Variants in ADA2 observed in about 807,000 individuals in gnomAD.
ADA2 encodes adenosine deaminase CECR1.
In ADA2, 29 loss-of-function variants were observed where a neutral mutation model predicts 44.2. That is an observed-to-expected ratio of 0.66 (90% CI 0.49 to 0.89). The LOEUF (loss-of-function observed/expected upper bound fraction) is 0.89. Ranked by LOEUF, ADA2 falls within the 40% of genes least tolerant of loss-of-function variation. The probability of loss-of-function intolerance (pLI) is 0.00; values close to 1 mark genes in which losing one functional copy is unlikely to be tolerated. For missense variants in ADA2, 637 were observed against 644.8 expected, an observed-to-expected ratio of 0.99 and a Z score of 0.13; for synonymous variants, 215 against 234.9, an observed-to-expected ratio of 0.92 and a Z score of 0.77.
At chr22:17,218,179 T>C (rs528769070) in intron 1 of ADA2, among the ~76,000 whole-genome samples, 34 of 152,306 alleles carry the variant, frequency 2.2e-4, no homozygotes, top group African/African-American at 8.2e-4. Flanking sequence ...ACTATTATTG[T>C]TTTTGTTGAA....
At chr22:17,188,706 CA>C (rs1368275940) in intron 6 of ADA2, 2 of 243,440 alleles carry the variant, frequency 8.2e-6, no homozygotes, top group African/African-American at 4.6e-5. Context: ...AGTGAAACCC[CA>C]TCTCTACTAA....
chr22:17,201,759 C>G (rs973654243), intron 4 of ADA2, among the ~76,000 whole-genome samples: 4 of 152,138 alleles, frequency 2.6e-5, no homozygotes, highest in Admixed American at 2.6e-4. Context: ...CTGCTCTCCT[C>G]GAAAGATCCC....
At chr22:17,204,714 G>A (rs1010722612) in intron 3 of ADA2, among the ~76,000 whole-genome samples, 2 of 151,856 alleles carry the variant, frequency 1.3e-5, no homozygotes, top group African/African-American at 4.8e-5. Context: ...AAGGACAGAG[G>A]TCTCAGGAGG....
chr22:17,207,159 T>G lies in ADA2; in HGVS notation c.454A>C (p.Thr152Pro). The change falls in exon 3 of 10, where the codon ACT becomes CCT. Residue 152 changes from threonine (T) to proline (P), a missense_variant. By Grantham distance (38) the Thr-to-Pro change is conservative. Coordinates refer to ENST00000399837, the MANE Select transcript of ADA2 (RefSeq NM_001282225.2). Reference protein sequence around the residue: ...GIMQFRFAHPTPRPSEKCSKW... With the variant: ...GIMQFRFAHPPPRPSEKCSKW... ...GAACATTTTTCTGATGGACGGGGAGTTGGGTGAGCAAATCTGAACTGCATG... is the reference window on the plus strand; with the variant it reads ...GAACATTTTTCTGATGGACGGGGAGGTGGGTGAGCAAATCTGAACTGCATG... 6.2e-7 allele frequency: 1 copy of G among 1,614,044 alleles called. No homozygotes were observed. Among genetic ancestry groups the G allele is most frequent in the South Asian group, 1.1e-5 (1 of 91,068 alleles).
intron 4 of ADA2, among the ~76,000 whole-genome samples, chr22:17,194,600 T>C (rs2062166756): frequency 1.3e-5 from 2 of 152,066 alleles, no homozygotes; most frequent in African/African-American, 4.8e-5. Flanking sequence ...GCCTGGCACG[T>C]CACACAGCCC....
In ADA2 at chr22:17,214,166, C is replaced by A. The variant is rs1237852447; in HGVS notation, c.-46-4443G>T. On this transcript the variant is annotated intron_variant, in intron 1 of 9. Coordinates refer to ENST00000399837, the MANE Select transcript of ADA2 (RefSeq NM_001282225.2). ...GTCAGCTGGACGAAATAGCCGCCTG[C>A]CCCCAGTAGGGAGCAGCATCGAGGG... 1.3e-5 allele frequency: 9 copies of A among 684,840 alleles called. No individual in the cohort carries two copies. The East Asian group carries it at 2.5e-4, about 19-fold the overall frequency. The allele number at this position is 684,840 out of a possible 1,614,324, so 42.4% of individuals were successfully genotyped here. A position where few individuals can be genotyped will look rare whatever the true frequency, so the allele number is the denominator to read the frequency against.
rs1289977943 is a variant in ADA2, at chr22:17,180,307, T to C, written c.*1176A>G. On this transcript the variant is annotated 3_prime_UTR_variant, in exon 10 of 10. Transcript: ENST00000399837. ...TAGAGCACCACCGCTGGAGTCTGGATGCGGGATGCATTCTGATGTAGGGAG... is the reference window on the plus strand; with the variant it reads ...TAGAGCACCACCGCTGGAGTCTGGACGCGGGATGCATTCTGATGTAGGGAG... 1.3e-5 allele frequency: 2 copies of C among 152,262 alleles called. No homozygotes were observed. The highest frequency in any genetic ancestry group is 2.4e-5 in the African/African-American group (1 of 41,416). The allele number at this position is 152,262 out of a possible 1,614,324, so 9.4% of individuals were successfully genotyped here. A position where few individuals can be genotyped will look rare whatever the true frequency, so the allele number is the denominator to read the frequency against.
At chr22:17,199,924 G>T (rs2062254801) in intron 4 of ADA2, 1 of 356,732 alleles carries the variant, frequency 2.8e-6, no homozygotes, top group African/African-American at 2.1e-5. Flanking sequence ...GCCAGGCGCG[G>T]TGGCTCACGC....
chr22:17,219,048 T>C (rs1328642793), intron 1 of ADA2, among the ~76,000 whole-genome samples: 1 of 151,944 alleles, frequency 6.6e-6, no homozygotes, highest in Non-Finnish European at 1.5e-5. Flanking sequence ...TCACAGCTAT[T>C]AGGGAGGCTG....
At chr22:17,213,170 A>C (rs5994204) in intron 1 of ADA2, among the ~76,000 whole-genome samples, 3,210 of 152,240 alleles carry the variant, frequency 0.021, 107 homozygotes, top group African/African-American at 0.072. Context: ...AATGGCTATT[A>C]CTTAAAAGGC....
chr22:17,197,065 C>T lies in ADA2; in HGVS notation c.754-5255G>A, dbSNP rs556357513. 4.0e-3 allele frequency among the ~76,000 whole-genome samples: 610 copies of T among 152,062 alleles called. 3 individuals carry two copies. Among genetic ancestry groups the T allele is most frequent in the Non-Finnish European group, 6.1e-3 (418 of 67,988 alleles). On this transcript the variant is annotated intron_variant, in intron 4 of 9. Coordinates refer to ENST00000399837, the MANE Select transcript of ADA2 (RefSeq NM_001282225.2). The stretch of plus-strand genomic sequence containing the variant: ...ATGGGCACCTGTAATCCCAACTACT[C>T]GGGAGGCTGAGGCAGGAGAATCACT...
intron 3 of ADA2, among the ~76,000 whole-genome samples, chr22:17,206,412 AGGCTGCTGTGAGCCAAGAT>A (rs2062354318): frequency 3.8e-5 from 1 of 25,992 alleles, no homozygotes; most frequent in African/African-American, 1.3e-4. Context: ...AGCCAAGATC[AGGCTGCTGTGAGCCAAGAT>A]CACGCCACTA....
chr22:17,202,778 T>TTTC (rs1211368359), intron 4 of ADA2, among the ~76,000 whole-genome samples: 1 of 151,624 alleles, frequency 6.6e-6, no homozygotes, highest in African/African-American at 2.4e-5. Context: ...TCTTTCTTTT[T>TTTC]TTTTTTGTGT....
chr22:17,213,778 C>T (rs995442331), intron 1 of ADA2: 6 of 251,850 alleles, frequency 2.4e-5, no homozygotes, highest in African/African-American at 1.2e-4. Context: ...TGACTCACGC[C>T]TGTAATCCCA....
intron 1 of ADA2, among the ~76,000 whole-genome samples, chr22:17,210,481 C>T (rs1459872240): frequency 2.0e-5 from 3 of 151,502 alleles, no homozygotes; most frequent in African/African-American, 7.3e-5. Flanking sequence ...TGAGTCACCG[C>T]GCCCGGCAGG....
rs571224124 is a variant in ADA2, at chr22:17,205,758, G to A, written c.542+1313C>T. On this transcript the variant is annotated intron_variant, in intron 3 of 9. Coordinates refer to ENST00000399837, the MANE Select transcript of ADA2 (RefSeq NM_001282225.2). ...CTTTGGGAGGCCAAGGTGAGAGGAC[G>A]GCTTGAGCCGCAGAGTTCAAGACCA... is the stretch of plus-strand genomic sequence containing the variant. Among the ~76,000 whole-genome samples, 428 of 152,086 alleles carry A rather than the reference G, an allele frequency of 2.8e-3. 1 individual carries two copies. The highest frequency in any genetic ancestry group is 4.5e-3 in the Admixed American group (68 of 15,274).
chr22:17,186,469 C>T (rs773922476), intron 7 of ADA2, among the ~76,000 whole-genome samples: 4 of 151,886 alleles, frequency 2.6e-5, no homozygotes, highest in Non-Finnish European at 5.9e-5. Context: ...GTAATCCCAG[C>T]TACTCGGGAG....
chr22:17,191,604 A>C (rs1601435790), intron 5 of ADA2, 79 bp downstream of exon 5: 11 of 1,314,912 alleles, frequency 8.4e-6, no homozygotes, highest in East Asian at 2.5e-5. Flanking sequence ...CCCGCTTCTC[A>C]CCCCTCCCCT....
rs543946758 is a variant in ADA2 at position 17,208,453 on chromosome 22, A to G, written c.322+903T>C. Among the ~76,000 whole-genome samples, 5 of 151,744 alleles carry G rather than the reference A, an allele frequency of 3.3e-5. No individual in the cohort carries two copies. In the East Asian group the frequency reaches 9.7e-4, roughly 30 times the overall value. ...AAAAAAAGAAAAAAAAAGAAAAAAA[A>G]AAAACAGGTGTTAAGTCTTTGTAAA... is the stretch of plus-strand genomic sequence containing the variant. On this transcript the variant is annotated intron_variant, in intron 2 of 9. Transcript: ENST00000399837.
Sources: gnomAD v4.1 joint callset for allele counts (sites outside exome capture counted in the v4.1 genomes callset) on GRCh38, gnomAD v4.1.1 for gene constraint, MANE v1.5 for transcripts, NCBI Gene and HGNC (gene_info 2026-07-23, HGNC 2026-07-21) for gene names.